Variants in ZNF536 observed in about 807,000 individuals in gnomAD.
ZNF536 encodes the protein zinc finger protein 536.
In ZNF536, 13 loss-of-function variants were observed where a neutral mutation model predicts 84.5. The ratio of observed to expected loss-of-function variants is 0.15; its 90% CI spans 0.10 to 0.24. The LOEUF is 0.24. Ranked by LOEUF, ZNF536 falls within the 10% of genes least tolerant of loss-of-function variation. The pLI is 1.00. For missense variants in ZNF536, 1,536 were observed against 1,747.5 expected, an observed-to-expected ratio of 0.88 and a Z score of 2.16; for synonymous variants, 811 against 742.5, an observed-to-expected ratio of 1.09 and a Z score of -1.50.
At chr19:30,656,460 C>A (rs1401028054) in intron 1 of ZNF536, among the ~76,000 whole-genome samples, 1 of 152,188 alleles carries the variant, frequency 6.6e-6, no homozygotes, top group Non-Finnish European at 1.5e-5. Flanking sequence ...CATCTCTACC[C>A]TGCTGGAAAC....
chr19:30,281,695 G>A (rs1404028457), intron 1 of ZNF536, among the ~76,000 whole-genome samples: 1 of 152,200 alleles, frequency 6.6e-6, no homozygotes, highest in African/African-American at 2.4e-5. Flanking sequence ...GGAGCCATCA[G>A]TGTACAGCGA....
intron 1 of ZNF536, among the ~76,000 whole-genome samples, chr19:30,266,823 T>A (rs1408830587): frequency 6.6e-6 from 1 of 152,202 alleles, no homozygotes; most frequent in Non-Finnish European, 1.5e-5. Context: ...TTAACGGATT[T>A]TTTTTCTTGA....
intron 1 of ZNF536, among the ~76,000 whole-genome samples, chr19:30,681,415 T>C (rs1012450533): frequency 4.6e-5 from 7 of 152,136 alleles, no homozygotes; most frequent in Admixed American, 3.9e-4. Context: ...GGGGGCTTCC[T>C]GGAGGAGGAA....
chr19:30,418,780 A>G (rs992184134), intron 1 of ZNF536, among the ~76,000 whole-genome samples: 5 of 152,338 alleles, frequency 3.3e-5, no homozygotes, highest in South Asian at 2.1e-4. Flanking sequence ...CAAATTATGC[A>G]ATTAAGATAC....
intron 2 of ZNF536, among the ~76,000 whole-genome samples, chr19:30,346,792 G>A (rs949444557): frequency 6.6e-6 from 1 of 152,168 alleles, no homozygotes; most frequent in African/African-American, 2.4e-5. Context: ...TGTAAATAAT[G>A]CTGCAATGAA....
Position 30,633,892 on chromosome 19 carries a change from C to A in ZNF536, c.170-76865C>A, listed in dbSNP as rs558336245. On this transcript the variant is annotated intron_variant, in intron 1 of 1. Transcript: ENST00000592773. Reference sequence around the variant, plus strand: ...CCTGGCCAATATTAGATTTTAAACACCCCCTAAGGATCTTTAATTTTAAAG... The same window carrying A: ...CCTGGCCAATATTAGATTTTAAACAACCCCTAAGGATCTTTAATTTTAAAG... Among the ~76,000 whole-genome samples the A allele has an allele frequency of 1.6e-3, 250 of 152,148 alleles. 1 individual carries two copies. The highest frequency in any genetic ancestry group is 6.8e-3 in the Middle Eastern group (2 of 294).
In ZNF536 at chr19:30,445,843, G is replaced by A; in HGVS notation, c.2170+111G>A. 7.1e-7 allele frequency: 1 copy of A among 1,407,094 alleles called. No individual in the cohort carries two copies. The highest frequency in any genetic ancestry group is 9.4e-7 in the Non-Finnish European group (1 of 1,060,460). 87.2% of individuals were successfully genotyped at this position (1,407,094 alleles called of 1,614,324 possible). A position where few individuals can be genotyped will look rare whatever the true frequency, so the allele number is the denominator to read the frequency against. On this transcript the variant is annotated intron_variant, in intron 2 of 4. Coordinates refer to ENST00000355537, the MANE Select transcript of ZNF536 (RefSeq NM_014717.3). This position sits in a 1 kb window ranked among gnomAD's most constrained non-coding sequence, Gnocchi z 4.5. ...GTTCCAAGGCCAGTGGGTCTTGATT[G>A]AGGACAGGGGTGGGTTGGACACTGG...
At chr19:30,502,313 A>G (rs2054982203) in intron 2 of ZNF536, among the ~76,000 whole-genome samples, 1 of 152,136 alleles carries the variant, frequency 6.6e-6, no homozygotes, top group Admixed American at 6.5e-5. Flanking sequence ...ACTCTGGAAC[A>G]AGGGTAGGGC....
At chr19:30,643,321 T>C (rs1160602778) in intron 1 of ZNF536, among the ~76,000 whole-genome samples, 1 of 152,174 alleles carries the variant, frequency 6.6e-6, no homozygotes, top group Non-Finnish European at 1.5e-5. Context: ...GAGGTGGATG[T>C]GAGAGAAACA....
intron 2 of ZNF536, among the ~76,000 whole-genome samples, chr19:30,289,464 G>A (rs965688846): frequency 6.6e-6 from 1 of 152,200 alleles, no homozygotes; most frequent in African/African-American, 2.4e-5. Context: ...CTCCACGTAT[G>A]AGCCATGCGA....
intron 1 of ZNF536, among the ~76,000 whole-genome samples, chr19:30,682,905 T>C (rs1330513551): frequency 6.6e-6 from 1 of 152,202 alleles, no homozygotes; most frequent in Non-Finnish European, 1.5e-5. Context: ...GACAAGATGG[T>C]ATATGTTTAA....
At chr19:30,579,117 TTC>T (rs2146644948) in intron 1 of ZNF536, among the ~76,000 whole-genome samples, 1 of 152,252 alleles carries the variant, frequency 6.6e-6, no homozygotes, top group Non-Finnish European at 1.5e-5. Flanking sequence ...AGGCTAGTTG[TTC>T]TTTTACTTAT....
chr19:30,235,059 T>C (rs1043724593), intron 1 of ZNF536, among the ~76,000 whole-genome samples: 4 of 152,124 alleles, frequency 2.6e-5, no homozygotes, highest in African/African-American at 9.7e-5. Flanking sequence ...GGTGTAGGTA[T>C]GGAGAGGTGG....
intron 2 of ZNF536, among the ~76,000 whole-genome samples, chr19:30,290,440 T>C (rs911155493): frequency 6.6e-6 from 1 of 152,102 alleles, no homozygotes; most frequent in African/African-American, 2.4e-5. Context: ...ACTACTAATT[T>C]AAAAATTTTT....
At chr19:30,588,672 G>A (rs889951912) in intron 1 of ZNF536, among the ~76,000 whole-genome samples, 7 of 152,104 alleles carry the variant, frequency 4.6e-5, no homozygotes, top group African/African-American at 1.7e-4. Flanking sequence ...TTTTAACCCA[G>A]AGAGAGAAGG....
chr19:30,452,910 A>C (rs912752356), intron 2 of ZNF536, among the ~76,000 whole-genome samples: 2 of 146,606 alleles, frequency 1.4e-5, no homozygotes, highest in Admixed American at 6.8e-5. Context: ...CATGTGGAGG[A>C]AGGAGGCGGG....
chr19:30,407,531 A>G (rs2147628087), intron 1 of ZNF536, among the ~76,000 whole-genome samples: 1 of 152,112 alleles, frequency 6.6e-6, no homozygotes, highest in African/African-American at 2.4e-5. Context: ...GCCCCAGACG[A>G]CAGTCACAAG....
chr19:30,271,578 C>T (rs1267126689), intron 1 of ZNF536, among the ~76,000 whole-genome samples: 1 of 152,152 alleles, frequency 6.6e-6, no homozygotes, highest in African/African-American at 2.4e-5. Context: ...CAAAACCCCA[C>T]CATTCTCTCG....
intron 1 of ZNF536, among the ~76,000 whole-genome samples, chr19:30,388,368 G>T (rs2049433767): frequency 6.6e-6 from 1 of 152,200 alleles, no homozygotes; most frequent in South Asian, 2.1e-4. Flanking sequence ...GGGTTAGGCA[G>T]GGGGCTTGGA....
Sources: allele counts gnomAD v4.1 joint callset (sites outside exome capture counted in the v4.1 genomes callset), GRCh38; gene constraint gnomAD v4.1.1; non-coding constraint Gnocchi (gnomAD v3.1); transcripts MANE v1.5; gene names NCBI Gene and HGNC (gene_info 2026-07-23, HGNC 2026-07-21).